RP1: variants seen among roughly 807,000 people sequenced by gnomAD.
The protein encoded by RP1 is RP1 axonemal microtubule associated.
RP1 carries 16 observed loss-of-function variants against 14.8 expected under a neutral mutation model. The ratio of observed to expected loss-of-function variants is 1.08; its 90% confidence interval spans 0.73 to 1.65. The LOEUF (loss-of-function observed/expected upper bound fraction) is 1.65. RP1 is among the 40% of genes most tolerant of loss of function. RP1 has a pLI of 0.00. For synonymous variants in RP1, 876 were observed against 883.6 expected (o/e 0.99, Z 0.15); for missense variants, 2,631 against 2,535.0 (o/e 1.04, Z -0.81).
At chr8:54,835,932 C>T (rs995275844) in intron 24 of RP1, among the ~76,000 whole-genome samples, 5 of 152,128 alleles carry the variant, frequency 3.3e-5, no homozygotes, top group Non-Finnish European at 5.9e-5. Flanking sequence ...CCAATGTTAA[C>T]ATTTTTTCTA....
chr8:54,735,284 A>T (rs1341037922), intron 18 of RP1, among the ~76,000 whole-genome samples: 1 of 152,060 alleles, frequency 6.6e-6, no homozygotes, highest in African/African-American at 2.4e-5. Flanking sequence ...TTTACTTCTT[A>T]GAGTCAGAGA....
chr8:54,775,213 G>A (rs185120592), intron 23 of RP1, among the ~76,000 whole-genome samples: 104 of 152,306 alleles, frequency 6.8e-4, no homozygotes, highest in Non-Finnish European at 1.1e-3. Context: ...AGTCTGGGAA[G>A]GAGGATGTGG....
intron 16 of RP1, among the ~76,000 whole-genome samples, chr8:54,723,320 T>C (rs1808577515): frequency 6.6e-6 from 1 of 152,202 alleles, no homozygotes; most frequent in African/African-American, 2.4e-5. Context: ...ATAGAGTCGA[T>C]AGATTTCTAA....
intron 19 of RP1, among the ~76,000 whole-genome samples, chr8:54,747,263 C>T: frequency 6.6e-6 from 1 of 152,082 alleles, no homozygotes; most frequent in African/African-American, 2.4e-5. Flanking sequence ...GTAATCTGTC[C>T]CCTGCCCACC....
intron 6 of RP1, among the ~76,000 whole-genome samples, chr8:54,660,751 TA>T (rs950582359): frequency 2.9e-4 from 44 of 152,272 alleles, no homozygotes; most frequent in African/African-American, 1.1e-3. Context: ...GCCCTATGGG[TA>T]CTTTTTAATG....
chr8:54,627,718 C>CT lies in RP1; in HGVS notation c.3843dup (p.Pro1282SerfsTer2), dbSNP rs769601671. On this transcript the variant is annotated frameshift_variant, in exon 4 of 4. Coordinates refer to ENST00000220676, the MANE Select transcript of RP1 (RefSeq NM_006269.2). LOFTEE classifies it low-confidence loss of function (END_TRUNC). ...AAAGAGACATGTAACCCCAGTGACA[C>CT]TTTTTTTCCTAGTGATGGTTATGGT... 7.4e-6 allele frequency: 12 copies of CT among 1,614,016 alleles called. No individual in the cohort carries two copies. The highest frequency in any genetic ancestry group is 9.3e-6 in the Non-Finnish European group (11 of 1,179,976).
chr8:54,663,684 T>C (rs1806947456), intron 6 of RP1: 3 of 1,507,846 alleles, frequency 2.0e-6, no homozygotes, highest in South Asian at 1.3e-5. Flanking sequence ...AAAGTTTTTT[T>C]TCTTATGTTG....
At position 54,863,044 on chromosome 8, in the gene RP1, GATATAT is replaced by G. The variant is rs61233765; in HGVS notation, c.4070-2762_4070-2757del. ...CTCTACCCCCAGAGTATTCCAAATG[GATATAT>G]ATATATATATATATATATATATATA... On this transcript the variant is annotated intron_variant, in intron 27 of 28. Coordinates refer to the RP1 transcript ENST00000637698. Among the ~76,000 whole-genome samples the G allele has an allele frequency of 4.4e-3, 446 of 101,844 alleles. 5 individuals carry two copies. Among genetic ancestry groups the G allele is most frequent in the Admixed American group, 0.014 (128 of 9,074 alleles). 66.8% of individuals were successfully genotyped at this position (101,844 alleles called of 152,430 possible).
At chr8:54,824,131 G>A (rs1481375298) in intron 24 of RP1, among the ~76,000 whole-genome samples, 2 of 133,860 alleles carry the variant, frequency 1.5e-5, no homozygotes, top group Non-Finnish European at 3.4e-5. Flanking sequence ...GATTGTTTGT[G>A]TGTTTTTTTT....
chr8:54,778,488 C>T lies in RP1; in HGVS notation c.3452-5059C>T, dbSNP rs1257936614. Among the ~76,000 whole-genome samples the T allele has an allele frequency of 2.6e-5, 4 of 151,990 alleles. No individual in the cohort carries two copies. The East Asian group carries it at 5.8e-4, about 22-fold the overall frequency. ...TACAGGCATGCACCACCATGCCCGG[C>T]TAATTTTTGTATTTTTAGTAGAGAC... On this transcript the variant is annotated intron_variant, in intron 23 of 28. Transcript: ENST00000637698.
chr8:54,865,796 C>G, intron 27 of RP1: 4 of 778,530 alleles, frequency 5.1e-6, no homozygotes, highest in Non-Finnish European at 7.0e-6. Context: ...TATTTTTAAG[C>G]TAAAGAGTTA....
At chr8:54,800,154 GA>G (rs1316924889) in intron 24 of RP1, among the ~76,000 whole-genome samples, 3 of 152,030 alleles carry the variant, frequency 2.0e-5, no homozygotes, top group African/African-American at 7.2e-5. Context: ...GTACTTTGAA[GA>G]AGTCAATTTA....
chr8:54,761,240 T>TTA (rs1357353002), intron 22 of RP1, among the ~76,000 whole-genome samples: 1 of 147,038 alleles, frequency 6.8e-6, no homozygotes, highest in East Asian at 2.0e-4. Context: ...TTACTTTTTT[T>TTA]TTTTTTTTTT....
chr8:54,806,320 T>G (rs1033588130), intron 24 of RP1, among the ~76,000 whole-genome samples: 15 of 142,808 alleles, frequency 1.1e-4, no homozygotes, highest in Non-Finnish European at 2.1e-4. Flanking sequence ...TCTGGCCGGG[T>G]TTTTTTTTAA....
chr8:54,730,428 T>C (rs1445477209), intron 17 of RP1, among the ~76,000 whole-genome samples: 1 of 152,082 alleles, frequency 6.6e-6, no homozygotes, highest in Non-Finnish European at 1.5e-5. Flanking sequence ...TCTCTTAAAG[T>C]GTGAATCTCC....
chr8:54,627,005 T>C lies in RP1; in HGVS notation c.3123T>C (p.Ala1041=). ...INDHNTKSHI[A]AEKSGPEKKL... ...ATCATAATACTAAAAGTCATATAGC[T>C]GCTGAAAAATCAGGACCAGAGAAAA... The change falls in exon 4 of 4, where the codon GCT becomes GCC. Residue 1041 remains alanine, a synonymous_variant. Coordinates refer to ENST00000220676, the MANE Select transcript of RP1 (RefSeq NM_006269.2). 6.2e-7 allele frequency: 1 copy of C among 1,614,008 alleles called. No individual in the cohort carries two copies. The highest frequency in any genetic ancestry group is 8.5e-7 in the Non-Finnish European group (1 of 1,179,952).
chr8:54,570,332 CT>C (rs35579675), intron 1 of RP1, among the ~76,000 whole-genome samples: 123 of 143,966 alleles, frequency 8.5e-4, no homozygotes, highest in Middle Eastern at 7.4e-3. Context: ...CTTTTATGTA[CT>C]TTTTTTTTTT....
At chr8:54,786,435 G>A (rs1810319351) in intron 24 of RP1, among the ~76,000 whole-genome samples, 1 of 151,992 alleles carries the variant, frequency 6.6e-6, no homozygotes, top group Non-Finnish European at 1.5e-5. Flanking sequence ...ACTGTGTTGT[G>A]TTTAGGTGTA....
intron 7 of RP1, among the ~76,000 whole-genome samples, chr8:54,665,883 C>A (rs964068833): frequency 3.9e-5 from 6 of 152,120 alleles, no homozygotes; most frequent in Admixed American, 2.6e-4. Context: ...GGTGTACACT[C>A]AAACCCCTTT....
Sources: gnomAD v4.1 joint callset for allele counts (sites outside exome capture counted in the v4.1 genomes callset) on GRCh38, gnomAD v4.1.1 for gene constraint, MANE v1.5 for transcripts, NCBI Gene and HGNC (gene_info 2026-07-23, HGNC 2026-07-21) for gene names.